Variants in IQGAP2 observed in about 807,000 individuals in gnomAD.
The protein encoded by IQGAP2 is ras GTPase-activating-like protein IQGAP2.
In IQGAP2, 173 loss-of-function variants were observed where a neutral mutation model predicts 201.3. The ratio of observed to expected loss-of-function variants is 0.86; its 90% CI spans 0.76 to 0.98. The LOEUF (loss-of-function observed/expected upper bound fraction) is 0.98, where lower values mean the gene tolerates loss of function less well. IQGAP2 is among the 50% of genes least tolerant of loss of function. The pLI, the probability that IQGAP2 is intolerant of heterozygous loss-of-function variation, is 0.00. For missense variants in IQGAP2, 1,687 were observed against 1,864.8 expected, an observed-to-expected ratio of 0.90 and a Z score of 1.76; for synonymous variants, 675 against 673.9, an observed-to-expected ratio of 1.00 and a Z score of -0.03.
Position 76,403,512 on chromosome 5 carries a change from GC to G in IQGAP2, c.-33del. 6.9e-7 allele frequency: 1 copy of G among 1,451,178 alleles called. No homozygotes were observed. The highest frequency in any genetic ancestry group is 2.8e-5 in the Admixed American group (1 of 35,306). 89.9% of individuals were successfully genotyped at this position (1,451,178 alleles called of 1,614,324 possible). The stretch of plus-strand genomic sequence containing the variant: ...TGGCCAGCGAGGGTAGCCGCGGGGG[GC>G]GCGCCCCGGGCGGGCCCCCGGAGAC... On this transcript the variant is annotated 5_prime_UTR_variant, in exon 1 of 36. Transcript: ENST00000274364. This position sits in a 1 kb window ranked among gnomAD's most constrained non-coding sequence, Gnocchi z 4.8.
Position 76,674,480 on chromosome 5 carries a change from G to A in IQGAP2, c.3298G>A (p.Val1100Ile), listed in dbSNP as rs772594993. ...ATGCACTTCTGCGTCACTCCAGATT[G>A]TTGGAAACCTCCTGTACTATCGGTA... ...DATEDELLKIVGNLLYYRYMN... is the reference protein window; with the variant it reads ...DATEDELLKIIGNLLYYRYMN... The change falls in exon 27 of 36, where the codon GTT (valine) becomes ATT (isoleucine). Residue 1100 changes from valine (V) to isoleucine (I), a missense_variant. Coordinates refer to ENST00000274364, the MANE Select transcript of IQGAP2 (RefSeq NM_006633.5). The A allele has an allele frequency of 6.2e-7, 1 of 1,608,202 alleles. No homozygotes were observed. The highest frequency in any genetic ancestry group is 1.7e-5 in the Admixed American group (1 of 59,912).
At chr5:76,525,181 T>G (rs1758899259) in intron 2 of IQGAP2, among the ~76,000 whole-genome samples, 1 of 152,234 alleles carries the variant, frequency 6.6e-6, no homozygotes, top group African/African-American at 2.4e-5. Context: ...TTGGCATCCC[T>G]CTCTGGATTA....
intron 2 of IQGAP2, among the ~76,000 whole-genome samples, chr5:76,483,476 T>C (rs1037765707): frequency 2.6e-5 from 4 of 152,220 alleles, no homozygotes. Context: ...AACTGGCATC[T>C]CCTTCAGAAA....
intron 1 of IQGAP2, among the ~76,000 whole-genome samples, chr5:76,405,801 T>C (rs950514108): frequency 7.2e-5 from 11 of 152,202 alleles, no homozygotes; most frequent in East Asian, 3.9e-4. Flanking sequence ...AACACAGGAT[T>C]GTCCTTGCTC....
At chr5:76,642,261 C>T (rs915430690) in intron 17 of IQGAP2, among the ~76,000 whole-genome samples, 7 of 152,134 alleles carry the variant, frequency 4.6e-5, no homozygotes, top group African/African-American at 1.2e-4. Flanking sequence ...AGTCTCAGGT[C>T]ACACAGCAGT....
chr5:76,404,815 CACAG>C (rs1250908913), intron 1 of IQGAP2, among the ~76,000 whole-genome samples: 3 of 151,250 alleles, frequency 2.0e-5, no homozygotes, highest in African/African-American at 7.4e-5. Context: ...TGGTAAACCA[CACAG>C]ACAGCAGAGC....
chr5:76,625,679 T>C (rs1252619594), intron 13 of IQGAP2, among the ~76,000 whole-genome samples: 2 of 152,228 alleles, frequency 1.3e-5, no homozygotes, highest in Non-Finnish European at 2.9e-5. Context: ...CCTTTCCACA[T>C]GCATTATCTC....
chr5:76,604,186 A>G lies in IQGAP2; in HGVS notation c.1233-1993A>G, dbSNP rs188861458. On this transcript the variant is annotated intron_variant, in intron 11 of 35. Transcript: ENST00000274364. ...TTGTTGTTCCCCTCCCTGTGACCACATGTTCTCATTGTTCAACTCCTACTT... is the reference window on the plus strand; with the variant it reads ...TTGTTGTTCCCCTCCCTGTGACCACGTGTTCTCATTGTTCAACTCCTACTT... 2.1e-4 allele frequency among the ~76,000 whole-genome samples: 32 copies of G among 151,868 alleles called. 1 individual carries two copies. Among genetic ancestry groups the G allele is most frequent in the African/African-American group, 7.7e-4 (32 of 41,370 alleles).
intron 17 of IQGAP2, among the ~76,000 whole-genome samples, chr5:76,647,209 A>T (rs1179056267): frequency 6.6e-6 from 1 of 152,210 alleles, no homozygotes; most frequent in Non-Finnish European, 1.5e-5. Context: ...AAACAAACAT[A>T]ACACTCTTAA....
intron 8 of IQGAP2, among the ~76,000 whole-genome samples, 154 bp downstream of exon 8, chr5:76,590,740 G>A (rs1045137869): frequency 3.3e-5 from 5 of 152,070 alleles, no homozygotes; most frequent in Admixed American, 1.3e-4. Flanking sequence ...GCATACAAGA[G>A]GACCATACAC....
intron 13 of IQGAP2, among the ~76,000 whole-genome samples, chr5:76,613,096 A>G (rs1399115063): frequency 1.3e-5 from 2 of 152,132 alleles, no homozygotes; most frequent in East Asian, 3.9e-4. Flanking sequence ...CACTCACATC[A>G]GTCTTTCTCA....
chr5:76,482,895 A>G lies in IQGAP2; in HGVS notation c.146+21226A>G, dbSNP rs111268002. 7.7e-3 allele frequency among the ~76,000 whole-genome samples: 1,177 copies of G among 152,234 alleles called. 7 individuals carry two copies. The highest frequency in any genetic ancestry group is 0.012 in the Non-Finnish European group (842 of 68,010). Reference sequence around the variant, plus strand: ...GTGCCTGAGTGGCCTTGAGCAAAGCACTGTCTCTGTGGCTCAACTTCTGAA... The same window carrying G: ...GTGCCTGAGTGGCCTTGAGCAAAGCGCTGTCTCTGTGGCTCAACTTCTGAA... On this transcript the variant is annotated intron_variant, in intron 2 of 35. Coordinates refer to ENST00000274364, the MANE Select transcript of IQGAP2 (RefSeq NM_006633.5).
intron 22 of IQGAP2, among the ~76,000 whole-genome samples, chr5:76,666,212 C>T (rs976547165): frequency 5.3e-5 from 8 of 152,156 alleles, no homozygotes; most frequent in Admixed American, 2.6e-4. Context: ...CACCACATGG[C>T]GGCACAGAAG....
At chr5:76,429,220 T>C (rs1251939354) in intron 1 of IQGAP2, among the ~76,000 whole-genome samples, 1 of 152,182 alleles carries the variant, frequency 6.6e-6, no homozygotes, top group Non-Finnish European at 1.5e-5. Flanking sequence ...ATAATCATTT[T>C]GTATACTTAA....
chr5:76,615,238 T>A (rs1415450785), intron 13 of IQGAP2, among the ~76,000 whole-genome samples: 1 of 152,268 alleles, frequency 6.6e-6, no homozygotes, highest in Non-Finnish European at 1.5e-5. Context: ...TTTTAACGAA[T>A]ATTGCTGTAT....
chr5:76,527,087 G>A (rs1275706808), intron 2 of IQGAP2, among the ~76,000 whole-genome samples: 1 of 152,236 alleles, frequency 6.6e-6, no homozygotes. Context: ...TTGGGTCATG[G>A]CTAACACCCC....
At chr5:76,414,778 C>T (rs1751323634) in intron 1 of IQGAP2, among the ~76,000 whole-genome samples, 2 of 152,358 alleles carry the variant, frequency 1.3e-5, no homozygotes, top group South Asian at 2.1e-4. Context: ...CTTCCTTCCT[C>T]AGTTCTCCAG....
chr5:76,557,579 C>G (rs1744035818), intron 2 of IQGAP2, among the ~76,000 whole-genome samples: 1 of 152,132 alleles, frequency 6.6e-6, no homozygotes, highest in East Asian at 1.9e-4. Flanking sequence ...TATGATGTAA[C>G]TGTGATGCTT....
At chr5:76,609,348 T>TA (rs1327067331) in intron 12 of IQGAP2, 1 of 914,524 alleles carries the variant, frequency 1.1e-6, no homozygotes, top group Non-Finnish European at 1.6e-6. Context: ...AGATAATACT[T>TA]AGACTTTCCA....
Sources: allele counts gnomAD v4.1 joint callset (sites outside exome capture counted in the v4.1 genomes callset), GRCh38; gene constraint gnomAD v4.1.1; non-coding constraint Gnocchi (gnomAD v3.1); transcripts MANE v1.5; gene names NCBI Gene and HGNC (gene_info 2026-07-23, HGNC 2026-07-21).